LRMDA: variants seen among roughly 807,000 people sequenced by gnomAD.
LRMDA encodes the protein leucine-rich melanocyte differentiation-associated protein.
In LRMDA, 18 loss-of-function variants were observed where a neutral mutation model predicts 29.8. The ratio of observed to expected loss-of-function variants is 0.60; its 90% CI spans 0.42 to 0.90. The LOEUF (loss-of-function observed/expected upper bound fraction) is 0.90. Ranked by LOEUF, LRMDA falls within the 40% of genes least tolerant of loss-of-function variation. The pLI is 0.00. For missense variants in LRMDA, 273 were observed against 273.9 expected (o/e 1.00, Z 0.02); for synonymous variants, 125 against 109.4 (o/e 1.14, Z -0.89).
At chr10:75,959,068 T>A (rs1589267197) in intron 2 of LRMDA, among the ~76,000 whole-genome samples, 2 of 152,100 alleles carry the variant, frequency 1.3e-5, no homozygotes, top group Admixed American at 1.3e-4. Flanking sequence ...GAGATTTGGG[T>A]GGAGACACAG....
rs528332098 is a variant in LRMDA at position 75,476,387 on chromosome 10, C to T, written c.131+37893C>T. ...CCCTCCTACCCCAACTGTTTGCAGA[C>T]TCAGCCCATCTAATTCCTCCTTAAA... is the stretch of plus-strand genomic sequence containing the variant. On this transcript the variant is annotated intron_variant, in intron 2 of 6. Coordinates refer to ENST00000611255, the MANE Select transcript of LRMDA (RefSeq NM_001305581.2). Among the ~76,000 whole-genome samples, 274 of 152,268 alleles carry T rather than the reference C, an allele frequency of 1.8e-3. 1 individual carries two copies. Among genetic ancestry groups the T allele is most frequent in the African/African-American group, 6.1e-3 (255 of 41,550 alleles).
chr10:75,724,284 A>G (rs1200838708), intron 2 of LRMDA, among the ~76,000 whole-genome samples: 1 of 152,244 alleles, frequency 6.6e-6, no homozygotes, highest in Non-Finnish European at 1.5e-5. Flanking sequence ...TGCTCTGCAG[A>G]GGCAATTTGT....
chr10:75,596,028 T>C (rs563794595), intron 2 of LRMDA, among the ~76,000 whole-genome samples: 3 of 152,338 alleles, frequency 2.0e-5, no homozygotes, highest in East Asian at 3.9e-4. Flanking sequence ...TCATCACTTC[T>C]AGTGTTGTAT....
At chr10:75,788,344 G>T (rs1217696169) in intron 2 of LRMDA, among the ~76,000 whole-genome samples, 1 of 152,326 alleles carries the variant, frequency 6.6e-6, no homozygotes, top group African/African-American at 2.4e-5. Flanking sequence ...AACATCTTTA[G>T]CTGTGGCTTT....
chr10:76,134,652 G>A (rs889941374), intron 5 of LRMDA, among the ~76,000 whole-genome samples: 6 of 151,992 alleles, frequency 3.9e-5, no homozygotes, highest in African/African-American at 1.4e-4. Flanking sequence ...AAAGGGTACT[G>A]ACAAATATAA....
At chr10:76,070,388 A>T (rs1437153857) in intron 5 of LRMDA, among the ~76,000 whole-genome samples, 1 of 152,204 alleles carries the variant, frequency 6.6e-6, no homozygotes, top group Non-Finnish European at 1.5e-5. Context: ...GGGTGCCAGC[A>T]TGGTTGGGTT....
chr10:76,087,015 C>T (rs1849147088), intron 5 of LRMDA, among the ~76,000 whole-genome samples: 1 of 152,136 alleles, frequency 6.6e-6, no homozygotes, highest in South Asian at 2.1e-4. Context: ...AAATAAATCA[C>T]CACTGAGGAG....
intron 5 of LRMDA, among the ~76,000 whole-genome samples, chr10:76,212,496 A>G (rs1851654620): frequency 6.6e-6 from 1 of 152,144 alleles, no homozygotes; most frequent in African/African-American, 2.4e-5. Context: ...TCTGCTGAAC[A>G]ATAATTCATT....
chr10:76,218,207 A>G (rs1851764313), intron 5 of LRMDA, among the ~76,000 whole-genome samples: 1 of 152,178 alleles, frequency 6.6e-6, no homozygotes, highest in South Asian at 2.1e-4. Context: ...GCACTGAGGA[A>G]AAGAGGTCCT....
chr10:76,555,484 A>T (rs1843544801), intron 6 of LRMDA, among the ~76,000 whole-genome samples: 1 of 152,170 alleles, frequency 6.6e-6, no homozygotes, highest in Admixed American at 6.5e-5. Flanking sequence ...GCCCAAGGCC[A>T]GCTTTGAGGC....
chr10:75,434,243 G>A lies in LRMDA; in HGVS notation c.30+2489G>A, dbSNP rs79083763. On this transcript the variant is annotated intron_variant, in intron 1 of 6. Transcript: ENST00000611255. ...GTGGGGAGAGTGGTCTGATTCAACAGCTGTTTAACAGAGTGGCCACTGGGT... is the reference window on the plus strand; with the variant it reads ...GTGGGGAGAGTGGTCTGATTCAACAACTGTTTAACAGAGTGGCCACTGGGT... Among the ~76,000 whole-genome samples, 3 of 152,306 alleles carry A rather than the reference G, an allele frequency of 2.0e-5. No homozygotes were observed. The East Asian group carries it at 5.8e-4, about 29-fold the overall frequency.
intron 6 of LRMDA, among the ~76,000 whole-genome samples, chr10:76,523,605 G>T (rs1843144411): frequency 6.6e-6 from 1 of 152,138 alleles, no homozygotes; most frequent in African/African-American, 2.4e-5. Flanking sequence ...ATATTAGAAA[G>T]GGGGGTGGGA....
chr10:76,266,221 G>T (rs1251064360), intron 5 of LRMDA, among the ~76,000 whole-genome samples: 1 of 142,696 alleles, frequency 7.0e-6, no homozygotes, highest in Non-Finnish European at 1.5e-5. Flanking sequence ...ACTAGTATTA[G>T]TAGTATAATA....
chr10:75,887,901 A>G (rs1845417724), intron 2 of LRMDA, among the ~76,000 whole-genome samples: 1 of 152,090 alleles, frequency 6.6e-6, no homozygotes, highest in South Asian at 2.1e-4. Flanking sequence ...TTTACCTATG[A>G]CCTCCTGGAG....
intron 6 of LRMDA, among the ~76,000 whole-genome samples, chr10:76,499,006 GCAT>G (rs1194385473): frequency 0.081 from 42 of 520 alleles, 12 homozygotes; most frequent in African/African-American, 0.11. Context: ...GTAGTAATAA[GCAT>G]GATCATCATC....
intron 5 of LRMDA, among the ~76,000 whole-genome samples, chr10:76,198,688 A>T (rs1294395790): frequency 6.6e-6 from 1 of 152,236 alleles, no homozygotes; most frequent in Non-Finnish European, 1.5e-5. Context: ...GCCCCCAGTC[A>T]CAGACTTGGA....
intron 2 of LRMDA, among the ~76,000 whole-genome samples, chr10:75,810,368 C>T (rs1344025952): frequency 5.9e-5 from 9 of 152,118 alleles, no homozygotes; most frequent in Admixed American, 5.9e-4. Context: ...CGGAGGATGT[C>T]AGAGCTGTCC....
At chr10:75,914,496 T>A (rs1411777766) in intron 2 of LRMDA, among the ~76,000 whole-genome samples, 1 of 152,234 alleles carries the variant, frequency 6.6e-6, no homozygotes, top group African/African-American at 2.4e-5. Context: ...TTTGAGCCTC[T>A]TTTTTTCCAG....
chr10:76,171,009 T>G (rs1564674113), intron 5 of LRMDA, among the ~76,000 whole-genome samples: 1 of 152,226 alleles, frequency 6.6e-6, no homozygotes, highest in Non-Finnish European at 1.5e-5. Flanking sequence ...AACACAGCAC[T>G]AGGTTAATAT....
Sources: gnomAD v4.1 joint callset for allele counts (sites outside exome capture counted in the v4.1 genomes callset) on GRCh38, gnomAD v4.1.1 for gene constraint, MANE v1.5 for transcripts, NCBI Gene and HGNC (gene_info 2026-07-23, HGNC 2026-07-21) for gene names.